Variants in DOCK3 observed in about 807,000 individuals in gnomAD.
The protein encoded by DOCK3 is dedicator of cytokinesis protein 3.
DOCK3 carries 60 observed loss-of-function variants against 265.6 expected under a neutral mutation model. That is an observed-to-expected ratio of 0.23 (90% CI 0.18 to 0.28). The LOEUF is 0.28. DOCK3 is among the 10% of genes least tolerant of loss of function. The pLI is 1.00. For missense variants in DOCK3, 1,981 were observed against 2,594.3 expected (o/e 0.76, Z 5.14); for synonymous variants, 881 against 938.0 (o/e 0.94, Z 1.11).
chr3:51,103,464 C>CT (rs1357411942), intron 9 of DOCK3, among the ~76,000 whole-genome samples: 4 of 152,216 alleles, frequency 2.6e-5, no homozygotes, highest in African/African-American at 4.8e-5. Flanking sequence ...TCTTGATTAT[C>CT]TACCTTTACC....
intron 4 of DOCK3, among the ~76,000 whole-genome samples, chr3:50,908,464 G>T (rs2049668605): frequency 6.6e-6 from 1 of 151,868 alleles, no homozygotes; most frequent in African/African-American, 2.4e-5. Flanking sequence ...CTTGATTTCT[G>T]CCTCAATTAT....
chr3:50,934,325 C>T (rs2051238187), intron 5 of DOCK3, among the ~76,000 whole-genome samples: 1 of 152,148 alleles, frequency 6.6e-6, no homozygotes, highest in Admixed American at 6.5e-5. Flanking sequence ...GGGATCTTAG[C>T]TGTCTTACTC....
At chr3:51,129,320 G>A (rs2084405862) in intron 9 of DOCK3, among the ~76,000 whole-genome samples, 1 of 152,188 alleles carries the variant, frequency 6.6e-6, no homozygotes, top group Admixed American at 6.5e-5. Context: ...ATCGCGCAGA[G>A]CCACCTGTGA....
At chr3:51,269,758 T>G (rs1053354331) in intron 23 of DOCK3, among the ~76,000 whole-genome samples, 9 of 152,172 alleles carry the variant, frequency 5.9e-5, no homozygotes, top group Non-Finnish European at 1.3e-4. Context: ...CTGCTTCCAC[T>G]TAGACAAGAG....
rs531969254 is a variant in DOCK3 at position 50,922,324 on chromosome 3, C to T, written c.219-11657C>T. On this transcript the variant is annotated intron_variant, in intron 4 of 52. Transcript: ENST00000266037. ...CTCAGACTGCTGTGCTAGCAGTGAT[C>T]GAGGCTCCGTGGGTGTAGGACCCCC... Among the ~76,000 whole-genome samples, 187 of 152,272 alleles carry T rather than the reference C, an allele frequency of 1.2e-3. 1 individual carries two copies. Among genetic ancestry groups the T allele is most frequent in the Non-Finnish European group, 1.2e-3 (81 of 68,024 alleles).
intron 35 of DOCK3, among the ~76,000 whole-genome samples, chr3:51,333,919 C>T (rs887930229): frequency 1.3e-5 from 2 of 151,836 alleles, no homozygotes; most frequent in African/African-American, 4.8e-5. Flanking sequence ...TGGCTCACTG[C>T]AGCCTCGAAG....
chr3:50,870,546 G>A (rs192295980), intron 3 of DOCK3, among the ~76,000 whole-genome samples: 22 of 152,100 alleles, frequency 1.4e-4, no homozygotes, highest in Middle Eastern at 3.4e-3. Context: ...ATTGGGTTTT[G>A]CGTTTTCGTT....
At chr3:51,303,493 C>G (rs1003304856) in intron 27 of DOCK3, among the ~76,000 whole-genome samples, 1 of 152,186 alleles carries the variant, frequency 6.6e-6, no homozygotes, top group Non-Finnish European at 1.5e-5. Flanking sequence ...AAGAGACATT[C>G]TGCCTTTTTG....
rs889857099 is a variant in DOCK3, at chr3:51,295,231, G to A, written c.2923-15001G>A. On this transcript the variant is annotated intron_variant, in intron 27 of 52. Transcript: ENST00000266037. ...AAAAGTTTAAGATTGGGTCTCTGGC[G>A]AAGGCCTCAGGCTGCTTCCACTCAT... Among the ~76,000 whole-genome samples the A allele has an allele frequency of 3.9e-5, 6 of 152,340 alleles. No individual in the cohort carries two copies. In the South Asian group the frequency reaches 6.2e-4, roughly 16 times the overall value.
At chr3:51,319,201 G>A (rs1303774778) in intron 32 of DOCK3, among the ~76,000 whole-genome samples, 1 of 152,084 alleles carries the variant, frequency 6.6e-6, no homozygotes, top group African/African-American at 2.4e-5. Context: ...AAATAAATAT[G>A]ATACTAGCTC....
At chr3:51,180,207 C>CAAAA (rs769429969) in intron 12 of DOCK3, among the ~76,000 whole-genome samples, 4 of 111,202 alleles carry the variant, frequency 3.6e-5, no homozygotes, top group African/African-American at 1.1e-4. Flanking sequence ...GACCCTGTCT[C>CAAAA]AAAAAAAAAA....
rs771690340 is a variant in DOCK3 at position 50,758,177 on chromosome 3, C to CAAAAAA, written c.38-20484_38-20479dup. ...TGGGCGACAGAGCGAGACTCTGTCT[C>CAAAAAA]AAAAAAAAAAAAAAAAAAAGAAAAA... On this transcript the variant is annotated intron_variant, in intron 1 of 52. Coordinates refer to ENST00000266037, the MANE Select transcript of DOCK3 (RefSeq NM_004947.5). 1.7e-4 allele frequency among the ~76,000 whole-genome samples: 4 copies of CAAAAAA among 23,828 alleles called. 1 individual carries two copies. The highest frequency in any genetic ancestry group is 4.4e-4 in the African/African-American group (2 of 4,502). 15.6% of individuals were successfully genotyped at this position (23,828 alleles called of 152,430 possible). A position where few individuals can be genotyped will look rare whatever the true frequency, so the allele number is the denominator to read the frequency against.
At position 50,684,316 on chromosome 3, in the gene DOCK3, C is replaced by A. The variant is rs2034629109; in HGVS notation, c.37+9016C>A. Among the ~76,000 whole-genome samples, 4 of 152,138 alleles carry A rather than the reference C, an allele frequency of 2.6e-5. 1 individual carries two copies. In the South Asian group the frequency reaches 8.3e-4, roughly 32 times the overall value. ...GTCTTCATGTTTGTATCATCAGGAC[C>A]TAGTTCATGGTGAGTGACTGGTGAA... On this transcript the variant is annotated intron_variant, in intron 1 of 52. Coordinates refer to ENST00000266037, the MANE Select transcript of DOCK3 (RefSeq NM_004947.5).
intron 9 of DOCK3, among the ~76,000 whole-genome samples, chr3:51,140,183 C>A (rs1284442308): frequency 6.6e-6 from 1 of 152,130 alleles, no homozygotes; most frequent in Non-Finnish European, 1.5e-5. Context: ...GTTATGCAAC[C>A]ATTTCCACAG....
At chr3:51,288,322 G>A (rs1643739451) in intron 27 of DOCK3, among the ~76,000 whole-genome samples, 1 of 151,652 alleles carries the variant, frequency 6.6e-6, no homozygotes, top group Admixed American at 6.6e-5. Flanking sequence ...AACCTAGGAG[G>A]CAGAGGTTGC....
chr3:51,282,079 G>T (rs893236932), intron 27 of DOCK3, among the ~76,000 whole-genome samples: 1 of 152,116 alleles, frequency 6.6e-6, no homozygotes, highest in Non-Finnish European at 1.5e-5. Flanking sequence ...GCTGGAACGG[G>T]ACCTCACATT....
rs567141204 is a variant in DOCK3, at chr3:50,843,861, T to C, written c.162+2146T>C. ...ATTACTAACTGAATTTCATCCTGCG[T>C]CAGTGATATTTTATGGAACCAGTTA... On this transcript the variant is annotated intron_variant, in intron 3 of 52. Transcript: ENST00000266037. 1.2e-4 allele frequency among the ~76,000 whole-genome samples: 18 copies of C among 152,300 alleles called. No homozygotes were observed. The South Asian group carries it at 3.3e-3, about 28-fold the overall frequency.
chr3:51,326,772 C>T (rs970210006), intron 32 of DOCK3, among the ~76,000 whole-genome samples: 1 of 151,796 alleles, frequency 6.6e-6, no homozygotes, highest in Admixed American at 6.6e-5. Flanking sequence ...CAGGCGTGCA[C>T]CACCATGCCC....
intron 12 of DOCK3, among the ~76,000 whole-genome samples, chr3:51,179,852 C>T (rs2087175333): frequency 6.6e-6 from 1 of 151,840 alleles, no homozygotes. Flanking sequence ...TTCAAGGCTG[C>T]AGTGAGCCAT....
Sources: gnomAD v4.1 joint callset for allele counts (sites outside exome capture counted in the v4.1 genomes callset) on GRCh38, gnomAD v4.1.1 for gene constraint, MANE v1.5 for transcripts, NCBI Gene and HGNC (gene_info 2026-07-23, HGNC 2026-07-21) for gene names.